The following NFX1 variants were observed in gnomAD, a reference collection of about 807,000 sequenced individuals.
NFX1 encodes transcriptional repressor NF-X1.
A neutral mutation model predicts 137.2 loss-of-function variants in NFX1; 69 were observed. The observed-to-expected ratio is 0.50, with a 90% CI of 0.41 to 0.61. The LOEUF (loss-of-function observed/expected upper bound fraction) is 0.61, where lower values mean the gene tolerates loss of function less well. Among genes scored for constraint, NFX1 ranks in the 20% least tolerant of loss-of-function variants. NFX1 has a pLI of 0.00. For synonymous variants in NFX1, 495 were observed against 474.1 expected (o/e 1.04, Z -0.57); for missense variants, 1,167 against 1,391.0 (o/e 0.84, Z 2.56).
At position 33,366,630 on chromosome 9, in the gene NFX1, G is replaced by A. The variant is rs914982082; in HGVS notation, c.3041G>A (p.Gly1014Glu). The A allele has an allele frequency of 6.8e-6, 11 of 1,613,760 alleles. No individual in the cohort carries two copies. The highest frequency in any genetic ancestry group is 8.5e-6 in the Non-Finnish European group (10 of 1,179,994). ...CAGTCATCTTTTCCCTCAATACAGG[G>A]AAAGAATAGTAAGAAAAGCCACAGC... is the stretch of plus-strand genomic sequence containing the variant. The part of the protein sequence containing the change: ...METLVEAVNK[G>E]KNSKKSHSFP... Residue 1014 changes from glycine (G) to glutamate (E), a missense_variant and splice_region_variant, in exon 22 of 24, where the codon GGA becomes GAA. Gly to Glu is a moderately conservative substitution (Grantham distance 98). Transcript: ENST00000379540.
At chr9:33,327,211 G>A (rs1307585521) in intron 9 of NFX1, among the ~76,000 whole-genome samples, 1 of 152,178 alleles carries the variant, frequency 6.6e-6, no homozygotes, top group East Asian at 1.9e-4. Context: ...TTTTTATAGA[G>A]GTGGAATCTC....
At chr9:33,363,592 T>C (rs1220505872) in intron 19 of NFX1, among the ~76,000 whole-genome samples, 1 of 152,184 alleles carries the variant, frequency 6.6e-6, no homozygotes, top group Non-Finnish European at 1.5e-5. Flanking sequence ...CCAAGAAATG[T>C]ATAAAAATGA....
intron 7 of NFX1, among the ~76,000 whole-genome samples, chr9:33,314,573 A>G (rs1822085920): frequency 2.0e-5 from 3 of 152,012 alleles, no homozygotes; most frequent in Admixed American, 2.0e-4. Context: ...GCTATTCGGG[A>G]GGCTGAATCA....
At chr9:33,332,706 A>C in intron 11 of NFX1, 2 of 481,930 alleles carry the variant, frequency 4.1e-6, no homozygotes, top group East Asian at 3.3e-5. Flanking sequence ...AAGTGCACTC[A>C]TGTCTACAGC....
chr9:33,310,172 C>G (rs1004472861), intron 5 of NFX1, among the ~76,000 whole-genome samples: 4 of 152,126 alleles, frequency 2.6e-5, no homozygotes, highest in African/African-American at 7.2e-5. Flanking sequence ...TTCATAGAAA[C>G]TAAACATTCC....
chr9:33,310,970 C>A (rs1587828964), intron 5 of NFX1, 136 bp from the exon 6 acceptor site: 1 of 693,498 alleles, frequency 1.4e-6, no homozygotes, highest in Non-Finnish European at 2.4e-6. Flanking sequence ...ATAGTTTAAT[C>A]AACTTTAAAC....
chr9:33,357,705 C>CTTT (rs78778092), intron 19 of NFX1, among the ~76,000 whole-genome samples: 1 of 132,084 alleles, frequency 7.6e-6, no homozygotes, highest in African/African-American at 2.8e-5. Flanking sequence ...CTAAGATTTT[C>CTTT]TTTTTTTTTT....
chr9:33,330,095 A>G (rs1822747200), intron 10 of NFX1, among the ~76,000 whole-genome samples: 3 of 152,186 alleles, frequency 2.0e-5, no homozygotes, highest in Admixed American at 2.0e-4. Context: ...TGCCCAGCCT[A>G]CCTTGGATAG....
intron 15 of NFX1, among the ~76,000 whole-genome samples, chr9:33,350,207 G>C (rs1264739085): frequency 6.6e-6 from 1 of 151,896 alleles, no homozygotes. Flanking sequence ...GGGAGGCTGA[G>C]GTAGGAGAAT....
At chr9:33,362,262 A>G (rs1198763728) in intron 19 of NFX1, among the ~76,000 whole-genome samples, 3 of 152,158 alleles carry the variant, frequency 2.0e-5, no homozygotes, top group South Asian at 2.1e-4. Flanking sequence ...CAGCAATCCT[A>G]TTACTTGGTA....
chr9:33,291,947 T>C (rs2118136329), intron 1 of NFX1, among the ~76,000 whole-genome samples: 1 of 152,324 alleles, frequency 6.6e-6, no homozygotes, highest in South Asian at 2.1e-4. Context: ...TACCCTAGTC[T>C]TGATGTGGAT....
rs755311472 is a variant in NFX1 at position 33,294,655 on chromosome 9, C to G, written c.261C>G (p.Phe87Leu). 2.5e-6 allele frequency: 4 copies of G among 1,614,064 alleles called. No homozygotes were observed. In the African/African-American group the frequency reaches 5.3e-5, roughly 22 times the overall value. Residue 87 changes from phenylalanine to leucine, a missense_variant, in exon 2 of 24, where the codon TTC becomes TTG. Phe to Leu is a conservative substitution (Grantham distance 22, BLOSUM62 0). This residue lies in a region of NFX1 where 367 missense variants were observed against 386.7 expected (regional missense o/e 0.95). Transcript: ENST00000379540. The stretch of plus-strand genomic sequence containing the variant: ...AACCTAAGAGTCAGCAGACGTCTTT[C>G]CAGTCCTCTCCTTGTAATAAATCGC... ...GSKPKSQQTS[F>L]QSSPCNKSPK... is the part of the protein sequence containing the mutation.
intron 9 of NFX1, 32 bp downstream of exon 9, chr9:33,319,159 ATAT>A (rs1171698051): frequency 1.9e-6 from 3 of 1,590,798 alleles, no homozygotes; most frequent in Non-Finnish European, 2.6e-6. Context: ...GGCTTTAAAA[ATAT>A]TATTGTAAAT....
At position 33,301,328 on chromosome 9, in the gene NFX1, G is replaced by A. The variant is rs761874593; in HGVS notation, c.1099G>A (p.Val367Ile). The change falls in exon 3 of 24, where the codon GTC becomes ATC. Residue 367 changes from valine to isoleucine, a missense_variant. By Grantham distance (29) the Val-to-Ile change is conservative (BLOSUM62 3). Coordinates refer to ENST00000379540, the MANE Select transcript of NFX1 (RefSeq NM_002504.6). ...CATGGTGTGCTGTGAATTGGTTCGT[G>A]TCACGGCCCCAGTGTGGAGTTGTCA... is the stretch of plus-strand genomic sequence containing the variant. The part of the protein sequence containing the change: ...ECMVCCELVR[V>I]TAPVWSCQSC... The A allele has an allele frequency of 5.6e-6, 9 of 1,614,026 alleles. No individual in the cohort carries two copies. The highest frequency in any genetic ancestry group is 4.4e-5 in the South Asian group (4 of 91,086).
intron 5 of NFX1, among the ~76,000 whole-genome samples, chr9:33,308,606 T>C (rs1240821401): frequency 1.3e-5 from 2 of 152,230 alleles, no homozygotes; most frequent in African/African-American, 4.8e-5. Context: ...TAAATAGTTA[T>C]GTAACCTTGG....
At chr9:33,315,650 G>A (rs1001636118) in intron 7 of NFX1, among the ~76,000 whole-genome samples, 2 of 151,654 alleles carry the variant, frequency 1.3e-5, no homozygotes, top group African/African-American at 4.8e-5. Flanking sequence ...ACTCTGGGAG[G>A]CCAGGGCAGG....
At chr9:33,330,473 G>A (rs1033431478) in intron 10 of NFX1, among the ~76,000 whole-genome samples, 12 of 152,266 alleles carry the variant, frequency 7.9e-5, no homozygotes, top group African/African-American at 2.6e-4. Flanking sequence ...GATAACAGAG[G>A]CATTTTTGAA....
chr9:33,346,725 AAAAG>A (rs1286385300), intron 14 of NFX1, among the ~76,000 whole-genome samples: 1 of 152,212 alleles, frequency 6.6e-6, no homozygotes, highest in Admixed American at 6.5e-5. Flanking sequence ...AAGTAGGGCC[AAAAG>A]AATGACGTAG....
intron 3 of NFX1, among the ~76,000 whole-genome samples, chr9:33,302,339 T>C (rs1289674357): frequency 6.6e-6 from 1 of 150,422 alleles, no homozygotes; most frequent in Non-Finnish European, 1.5e-5. Flanking sequence ...CTAGATCTTA[T>C]TCCTTCTATC....
Sources: gnomAD v4.1 joint callset for allele counts (sites outside exome capture counted in the v4.1 genomes callset) on GRCh38, gnomAD v4.1.1 for gene constraint, gnomAD v4.1.1 regional missense constraint, MANE v1.5 for transcripts, NCBI Gene and HGNC (gene_info 2026-07-23, HGNC 2026-07-21) for gene names.